RNASEH2B: variants seen among roughly 807,000 people sequenced by gnomAD.
RNASEH2B encodes the protein ribonuclease H2 subunit B.
RNASEH2B carries 36 observed loss-of-function variants against 45.0 expected under a neutral mutation model. That is an observed-to-expected ratio of 0.80 (90% CI 0.61 to 1.06). RNASEH2B has a LOEUF of 1.06. RNASEH2B is among the 50% of genes least tolerant of loss of function. RNASEH2B has a pLI of 0.00. For missense variants in RNASEH2B, 361 were observed against 360.3 expected (o/e 1.00, Z -0.02); for synonymous variants, 119 against 125.7 (o/e 0.95, Z 0.35).
In RNASEH2B at chr13:50,966,757, C is replaced by T. The variant is rs576380319; in HGVS notation, c.742-3175C>T. On this transcript the variant is annotated intron_variant, in intron 9 of 9. Transcript: ENST00000422660. ...GCTGTCCATTCCCAAAATCATATTT[C>T]TCTTATTTGGGGCCTTAGCAAGACA... Among the ~76,000 whole-genome samples the T allele has an allele frequency of 2.6e-5, 4 of 152,192 alleles. No individual in the cohort carries two copies. In the East Asian group the frequency reaches 7.7e-4, roughly 29 times the overall value.
At chr13:50,969,300 C>T (rs1290905624) in intron 9 of RNASEH2B, among the ~76,000 whole-genome samples, 2 of 152,028 alleles carry the variant, frequency 1.3e-5, no homozygotes, top group Admixed American at 1.3e-4. Context: ...GTTTGATTTC[C>T]ATGTACATGT....
At chr13:50,931,725 A>G (rs1951683538) in intron 4 of RNASEH2B, among the ~76,000 whole-genome samples, 1 of 152,216 alleles carries the variant, frequency 6.6e-6, no homozygotes, top group Admixed American at 6.5e-5. Context: ...CTTCTTTAAT[A>G]CTGCCTAAAA....
intron 6 of RNASEH2B, among the ~76,000 whole-genome samples, chr13:50,944,507 G>C (rs887393837): frequency 1.4e-4 from 21 of 151,970 alleles, no homozygotes; most frequent in African/African-American, 4.1e-4. Flanking sequence ...ATACATGTGG[G>C]GCTTAAAACC....
chr13:50,934,560 C>T, intron 4 of RNASEH2B: 2 of 372,422 alleles, frequency 5.4e-6, no homozygotes, highest in South Asian at 4.7e-5. Context: ...ATGGGTTGGA[C>T]CATCCCCAGG....
intron 1 of RNASEH2B, among the ~76,000 whole-genome samples, chr13:50,920,491 C>G (rs911654226): frequency 6.6e-6 from 1 of 152,200 alleles, no homozygotes; most frequent in Admixed American, 6.5e-5. Context: ...AGGGGCAGAG[C>G]TTGAGATAAT....
chr13:50,969,859 A>C (rs973999187), intron 9 of RNASEH2B: 6 of 1,422,072 alleles, frequency 4.2e-6, no homozygotes, highest in Non-Finnish European at 4.9e-6. Context: ...TAGGAGCTGC[A>C]GATGGTGCTT....
chr13:50,935,385 A>G (rs535990113), intron 5 of RNASEH2B: 1 of 275,304 alleles, frequency 3.6e-6, no homozygotes, highest in Non-Finnish European at 7.1e-6. Flanking sequence ...TCCAAAAAGC[A>G]TATGTTGCAC....
At chr13:50,932,106 A>T (rs953752022) in intron 4 of RNASEH2B, among the ~76,000 whole-genome samples, 8 of 152,176 alleles carry the variant, frequency 5.3e-5, no homozygotes, top group African/African-American at 1.9e-4. Flanking sequence ...AAATTTTATT[A>T]TTGGCCGCAA....
intron 9 of RNASEH2B, among the ~76,000 whole-genome samples, chr13:50,963,880 A>T (rs1269964386): frequency 1.3e-5 from 2 of 152,156 alleles, no homozygotes; most frequent in Non-Finnish European, 2.9e-5. Flanking sequence ...TTTAGCTGCC[A>T]CATCTCTTCA....
chr13:50,927,736 A>G (rs1424741863), intron 2 of RNASEH2B, among the ~76,000 whole-genome samples: 1 of 152,220 alleles, frequency 6.6e-6, no homozygotes, highest in Non-Finnish European at 1.5e-5. Context: ...ACAAAAAAGT[A>G]GCATGTTTGA....
rs201078944 is a variant in RNASEH2B at position 50,930,752 on chromosome 13, A to C, written c.314A>C (p.Asp105Ala). Reference protein sequence around the residue: ...FLLLHYLIKADKEGKFQPLDQ... With the variant: ...FLLLHYLIKAAKEGKFQPLDQ... ...CTTCTCCACTACCTCATAAAGGCTG[A>C]TAAGGAGGTGAGTTTCCAGCTCGGA... is the stretch of plus-strand genomic sequence containing the variant. Residue 105 changes from aspartate (D) to alanine (A), a missense_variant, in exon 4 of 11, where the codon GAT becomes GCT. By Grantham distance (126) the Asp-to-Ala change is moderately radical. Coordinates refer to ENST00000336617, the MANE Select transcript of RNASEH2B (RefSeq NM_024570.4). The C allele has an allele frequency of 3.5e-4, 559 of 1,613,012 alleles. No individual in the cohort carries two copies. The highest frequency in any genetic ancestry group is 4.6e-4 in the Non-Finnish European group (539 of 1,178,932).
chr13:50,926,866 T>G (rs1439519604), intron 1 of RNASEH2B, among the ~76,000 whole-genome samples: 2 of 150,984 alleles, frequency 1.3e-5, no homozygotes, highest in African/African-American at 4.9e-5. Flanking sequence ...CACTGGGAAA[T>G]TAGGCAAAGG....
At chr13:50,969,419 TA>T (rs1368818784) in intron 9 of RNASEH2B, among the ~76,000 whole-genome samples, 1 of 151,630 alleles carries the variant, frequency 6.6e-6, no homozygotes, top group East Asian at 1.9e-4. Flanking sequence ...ACAGGGACAT[TA>T]GGTGCTACTA....
At position 50,956,465 on chromosome 13, in the gene RNASEH2B, A is replaced by G; in HGVS notation, c.930A>G (p.Gly310=). Residue 310 remains glycine (G), a synonymous_variant, in exon 11 of 11, where the codon GGA becomes GGG. Transcript: ENST00000336617. The part of the protein sequence containing the change: ...FFGVKNKKKI[G]KV ...GGGTAAAAAATAAAAAAAAAATTGG[A>G]AAGGTTTGAAACTTTGAAAATAAAA... 6.3e-7 allele frequency: 1 copy of G among 1,594,770 alleles called. No homozygotes were observed. Among genetic ancestry groups the G allele is most frequent in the South Asian group, 1.1e-5 (1 of 88,904 alleles).
chr13:50,968,868 G>A (rs898573024), intron 9 of RNASEH2B, among the ~76,000 whole-genome samples: 2 of 152,162 alleles, frequency 1.3e-5, no homozygotes, highest in African/African-American at 2.4e-5. Context: ...TATTTGAAAT[G>A]GGGGACGGCA....
At chr13:50,945,403 T>A in intron 6 of RNASEH2B, 24 bp from the exon 7 acceptor site, 1 of 1,518,442 alleles carries the variant, frequency 6.6e-7, no homozygotes, top group Non-Finnish European at 9.1e-7. Context: ...ATACCCTGCC[T>A]TTCCCCTCTT....
chr13:50,945,670 G>A (rs924422138), intron 7 of RNASEH2B, 138 bp downstream of exon 7: 4 of 679,386 alleles, frequency 5.9e-6, no homozygotes, highest in East Asian at 5.6e-5. Context: ...ATTGTGGCAG[G>A]TGTGCATCTT....
intron 5 of RNASEH2B, chr13:50,942,218 T>C (rs1198310791): frequency 6.6e-6 from 1 of 152,160 alleles, no homozygotes; most frequent in Non-Finnish European, 1.5e-5. Context: ...ATCCCATGAA[T>C]GAAAAGGGTT....
intron 1 of RNASEH2B, chr13:50,913,248 G>A (rs1193258932): frequency 6.6e-6 from 1 of 152,190 alleles, no homozygotes; most frequent in Non-Finnish European, 1.5e-5. Flanking sequence ...TTTTTGGAAA[G>A]TAGTATAAGT....
Sources: allele counts gnomAD v4.1 joint callset (sites outside exome capture counted in the v4.1 genomes callset), GRCh38; gene constraint gnomAD v4.1.1; transcripts MANE v1.5; gene names NCBI Gene and HGNC (gene_info 2026-07-23, HGNC 2026-07-21).